Variants in EXOC4 observed in about 807,000 individuals in gnomAD.
The protein encoded by EXOC4 is exocyst complex component 4, also known as SEC8-like 1.
A neutral mutation model predicts 107.2 loss-of-function variants in EXOC4; 71 were observed. The ratio of observed to expected loss-of-function variants is 0.66; its 90% CI spans 0.55 to 0.81. The LOEUF (loss-of-function observed/expected upper bound fraction) is 0.81. EXOC4 is among the 30% of genes least tolerant of loss of function. EXOC4 has a pLI of 0.00. For synonymous variants in EXOC4, 456 were observed against 441.2 expected (o/e 1.03, Z -0.42); for missense variants, 1,108 against 1,189.6 (o/e 0.93, Z 1.01).
intron 2 of EXOC4, among the ~76,000 whole-genome samples, chr7:133,285,459 C>T (rs117289987): frequency 0.014 from 2,201 of 152,272 alleles, 29 homozygotes; most frequent in Non-Finnish European, 0.022. Flanking sequence ...CTGGGAAATA[C>T]TTATCTCTTA....
intron 13 of EXOC4, among the ~76,000 whole-genome samples, chr7:133,918,181 A>T (rs1862872): frequency 1.3e-5 from 2 of 151,666 alleles, no homozygotes; most frequent in African/African-American, 2.4e-5. Flanking sequence ...GGGGTTTCAC[A>T]GTGTTAGCCA....
At chr7:133,914,138 A>G (rs1256444309) in intron 12 of EXOC4, among the ~76,000 whole-genome samples, 1 of 152,234 alleles carries the variant, frequency 6.6e-6, no homozygotes, top group Non-Finnish European at 1.5e-5. Flanking sequence ...TTCCTGTCAG[A>G]AGTTTGGTGC....
Position 133,289,938 on chromosome 7 carries a change from T to G in EXOC4, c.471+822T>G, listed in dbSNP as rs529565301. On this transcript the variant is annotated intron_variant, in intron 3 of 17. Coordinates refer to ENST00000253861, the MANE Select transcript of EXOC4 (RefSeq NM_021807.4). ...CTTCCCCACAGTAGGTGAAAGTCCT[T>G]TACCTTTGTTTCACCAAATTAGATT... Among the ~76,000 whole-genome samples the G allele has an allele frequency of 4.6e-5, 7 of 152,322 alleles. No homozygotes were observed. In the South Asian group the frequency reaches 1.5e-3, roughly 32 times the overall value.
At chr7:133,531,989 G>GT (rs1171145589) in intron 9 of EXOC4, among the ~76,000 whole-genome samples, 2 of 151,872 alleles carry the variant, frequency 1.3e-5, no homozygotes, top group Admixed American at 6.6e-5. Context: ...AAATTCATTT[G>GT]TTTTTTATAT....
chr7:133,759,955 C>T (rs1201595282), intron 10 of EXOC4, among the ~76,000 whole-genome samples: 1 of 152,186 alleles, frequency 6.6e-6, no homozygotes, highest in African/African-American at 2.4e-5. Flanking sequence ...TGAGAAGGAA[C>T]AGTGTGCAGG....
chr7:133,538,853 AAGAAAGAGAGAG>A (rs1262919773), intron 9 of EXOC4, among the ~76,000 whole-genome samples: 1 of 52,854 alleles, frequency 1.9e-5, no homozygotes, highest in African/African-American at 6.1e-5. Context: ...GAAAGAAAGA[AAGAAAGAGAGAG>A]AGAGAGAGAG....
chr7:134,007,319 C>T (rs1794664611), intron 16 of EXOC4, among the ~76,000 whole-genome samples: 1 of 152,080 alleles, frequency 6.6e-6, no homozygotes, highest in African/African-American at 2.4e-5. Context: ...TCTCTGCTTC[C>T]CAATTGTGTA....
At chr7:133,382,465 G>T (rs1214095062) in intron 7 of EXOC4, among the ~76,000 whole-genome samples, 1 of 152,054 alleles carries the variant, frequency 6.6e-6, no homozygotes, top group African/African-American at 2.4e-5. Flanking sequence ...TATATGGAGG[G>T]TTTAGGATGA....
At chr7:133,630,267 G>A in intron 10 of EXOC4, 126 bp downstream of exon 10, 1 of 669,334 alleles carries the variant, frequency 1.5e-6, no homozygotes, top group Non-Finnish European at 2.6e-6. Context: ...CCATTTTTAG[G>A]GCCTCACTAT....
At chr7:134,005,296 G>T (rs1367474871) in intron 16 of EXOC4, among the ~76,000 whole-genome samples, 3 of 152,190 alleles carry the variant, frequency 2.0e-5, no homozygotes, top group Non-Finnish European at 4.4e-5. Context: ...TTGATAAGGA[G>T]ATTTAATCCA....
intron 7 of EXOC4, among the ~76,000 whole-genome samples, chr7:133,461,820 T>G (rs776895430): frequency 1.5e-4 from 23 of 152,200 alleles, no homozygotes; most frequent in Non-Finnish European, 3.2e-4. Context: ...TTAGGTAACT[T>G]AAGACATTGT....
intron 10 of EXOC4, among the ~76,000 whole-genome samples, chr7:133,643,105 A>T (rs982754967): frequency 2.0e-5 from 3 of 152,178 alleles, no homozygotes; most frequent in Non-Finnish European, 2.9e-5. Flanking sequence ...TCAAAAGAGA[A>T]CACAGGTGTT....
At chr7:133,739,820 AT>A (rs1376815408) in intron 10 of EXOC4, among the ~76,000 whole-genome samples, 1 of 152,172 alleles carries the variant, frequency 6.6e-6, no homozygotes, top group Non-Finnish European at 1.5e-5. Flanking sequence ...CTTCTCTAAT[AT>A]TTCAAAAGGG....
chr7:133,280,540 G>C (rs928333220), intron 2 of EXOC4, among the ~76,000 whole-genome samples: 1 of 152,112 alleles, frequency 6.6e-6, no homozygotes, highest in Non-Finnish European at 1.5e-5. Context: ...GAGATACTTG[G>C]CTTTGTTGAG....
intron 5 of EXOC4, 150 bp from the exon 6 acceptor site, chr7:133,356,180 A>G: frequency 1.3e-6 from 1 of 749,422 alleles, no homozygotes; most frequent in Admixed American, 2.9e-5. Context: ...TGACTTTTGG[A>G]TGGTTACTGT....
intron 17 of EXOC4, among the ~76,000 whole-genome samples, chr7:134,051,262 G>A (rs887603488): frequency 3.9e-5 from 6 of 152,222 alleles, no homozygotes; most frequent in African/African-American, 1.4e-4. Flanking sequence ...GAAGCAGAGA[G>A]AGAAGAATGG....
chr7:134,063,653 G>A (rs781101516), intron 17 of EXOC4, among the ~76,000 whole-genome samples: 3 of 152,066 alleles, frequency 2.0e-5, no homozygotes, highest in East Asian at 1.9e-4. Context: ...CCTTGTCTCC[G>A]AGCTACTTGA....
chr7:133,732,174 A>T (rs554795387), intron 10 of EXOC4, among the ~76,000 whole-genome samples: 1 of 152,310 alleles, frequency 6.6e-6, no homozygotes, highest in South Asian at 2.1e-4. Flanking sequence ...CATTATCCTC[A>T]GCAAACTAAC....
At chr7:133,821,967 G>T (rs1797532550) in intron 11 of EXOC4, among the ~76,000 whole-genome samples, 1 of 152,152 alleles carries the variant, frequency 6.6e-6, no homozygotes. Context: ...ATGGTCTTGG[G>T]TTTAAGATAG....
Sources: allele counts gnomAD v4.1 joint callset (sites outside exome capture counted in the v4.1 genomes callset), GRCh38; gene constraint gnomAD v4.1.1; transcripts MANE v1.5; gene names NCBI Gene and HGNC (gene_info 2026-07-23, HGNC 2026-07-21).